Variants in VWA3B observed in about 807,000 individuals in gnomAD.
VWA3B encodes von Willebrand factor A domain-containing protein 3B.
In VWA3B, 138 loss-of-function variants were observed where a neutral mutation model predicts 158.3. The ratio of observed to expected loss-of-function variants is 0.87; its 90% CI spans 0.76 to 1.00. The LOEUF (loss-of-function observed/expected upper bound fraction) is 1.00. Ranked by LOEUF, VWA3B falls within the 50% of genes least tolerant of loss-of-function variation. The pLI, the probability that VWA3B is intolerant of heterozygous loss-of-function variation, is 0.00. For missense variants in VWA3B, 1,555 were observed against 1,565.1 expected (o/e 0.99, Z 0.11); for synonymous variants, 596 against 587.3 (o/e 1.01, Z -0.21).
At chr2:98,192,781 G>T in intron 10 of VWA3B, 117 bp from the exon 11 acceptor site, 1 of 1,388,942 alleles carries the variant, frequency 7.2e-7, no homozygotes, top group Non-Finnish European at 1.0e-6. Context: ...ACAGAAGATT[G>T]GGTATAAACA....
chr2:98,138,342 T>C (rs1317541660), intron 7 of VWA3B, among the ~76,000 whole-genome samples: 1 of 152,232 alleles, frequency 6.6e-6, no homozygotes, highest in Non-Finnish European at 1.5e-5. Flanking sequence ...ACAGTACCTT[T>C]TAATGGTAAT....
chr2:98,258,416 T>C (rs1039760191), intron 21 of VWA3B, among the ~76,000 whole-genome samples: 1 of 151,868 alleles, frequency 6.6e-6, no homozygotes, highest in African/African-American at 2.4e-5. Context: ...TTTGTAGGGA[T>C]TATATTTAAT....
At chr2:98,314,232 A>G (rs1256009400), downstream of VWA3B, among the ~76,000 whole-genome samples, 2 of 152,232 alleles carry the variant, frequency 1.3e-5, no homozygotes, top group African/African-American at 2.4e-5. Flanking sequence ...TACCAGGGTC[A>G]GGGCTGGTGA....
chr2:98,177,115 G>A (rs187368434), intron 8 of VWA3B, among the ~76,000 whole-genome samples: 2 of 152,284 alleles, frequency 1.3e-5, no homozygotes, highest in Admixed American at 6.5e-5. Context: ...AAGAGGAGTG[G>A]GCACTGATAC....
chr2:98,134,119 G>A, intron 7 of VWA3B, 180 bp downstream of exon 7: 2 of 614,716 alleles, frequency 3.3e-6, no homozygotes, highest in Non-Finnish European at 2.9e-6. Flanking sequence ...TAGCAACCAG[G>A]CATAAGTTTA....
rs746933114 is a variant in VWA3B, at chr2:98,311,801, ATCTC to A, written c.3522-12_3522-9del. ...CAGCCATCAAGGCAGGGTAACCCTG[ATCTC>A]TCTCTGTCTCTAGAGAGGATGTGGA... On this transcript the variant is annotated splice_polypyrimidine_tract_variant and intron_variant, in intron 26 of 27. Transcript: ENST00000477737. 1.3e-6 allele frequency: 2 copies of A among 1,572,704 alleles called. No homozygotes were observed. The highest frequency in any genetic ancestry group is 3.7e-5 in the Admixed American group (2 of 54,556).
chr2:98,185,956 A>T (rs1485186403), intron 9 of VWA3B, among the ~76,000 whole-genome samples: 6 of 152,060 alleles, frequency 3.9e-5, no homozygotes, highest in African/African-American at 1.2e-4. Context: ...GTCGAGTTGT[A>T]TACGTTTCCT....
At chr2:98,130,029 C>T (rs978222184) in intron 6 of VWA3B, among the ~76,000 whole-genome samples, 5 of 152,064 alleles carry the variant, frequency 3.3e-5, no homozygotes, top group Non-Finnish European at 7.4e-5. Flanking sequence ...GGATCCACAC[C>T]GGCACCGGCC....
At chr2:98,289,705 G>T (rs1480821980) in intron 22 of VWA3B, among the ~76,000 whole-genome samples, 1 of 152,178 alleles carries the variant, frequency 6.6e-6, no homozygotes, top group African/African-American at 2.4e-5. Flanking sequence ...TTTGCTAGTG[G>T]ACTTTTCTGT....
chr2:98,155,466 C>G (rs757580656), intron 7 of VWA3B, among the ~76,000 whole-genome samples: 1 of 152,202 alleles, frequency 6.6e-6, no homozygotes, highest in African/African-American at 2.4e-5. Flanking sequence ...CCTGACCTCA[C>G]CACTTATTAG....
chr2:98,256,777 C>T (rs1203124053), intron 21 of VWA3B, among the ~76,000 whole-genome samples: 1 of 152,126 alleles, frequency 6.6e-6, no homozygotes, highest in Non-Finnish European at 1.5e-5. Flanking sequence ...TGTTTTTCCA[C>T]AGTGGCTATG....
intron 19 of VWA3B, among the ~76,000 whole-genome samples, chr2:98,240,050 G>A (rs905320405): frequency 6.6e-6 from 1 of 152,024 alleles, no homozygotes; most frequent in African/African-American, 2.4e-5. Context: ...CAGTATATGA[G>A]ATTTAAGCCA....
rs753865994 is a variant in VWA3B at position 98,312,496 on chromosome 2, C to G, written c.*147C>G. ...TGCCCTGTCTGTAGCAAAGACTCCT[C>G]TCCCCTCCATCCCTGCTGCCTCCCC... is the stretch of plus-strand genomic sequence containing the variant. On this transcript the variant is annotated 3_prime_UTR_variant, in exon 28 of 28. Coordinates refer to ENST00000477737, the MANE Select transcript of VWA3B (RefSeq NM_144992.5). 12 of 980,144 alleles carry G rather than the reference C, an allele frequency of 1.2e-5. No homozygotes were observed. Among genetic ancestry groups the G allele is most frequent in the Non-Finnish European group, 1.7e-5 (12 of 690,530 alleles). 60.7% of individuals were successfully genotyped at this position (980,144 alleles called of 1,614,324 possible).
intron 26 of VWA3B, 31 bp from the exon 27 acceptor site, chr2:98,311,788 C>T (rs1389016631): frequency 6.5e-7 from 1 of 1,537,508 alleles, no homozygotes; most frequent in East Asian, 2.3e-5. Context: ...GCCATCAAGG[C>T]AGGGTAACCC....
intron 23 of VWA3B, chr2:98,291,005 A>AT: frequency 5.3e-6 from 1 of 187,888 alleles, no homozygotes; most frequent in South Asian, 1.3e-4. Flanking sequence ...AAATAAACAG[A>AT]TAAAATATGT....
intron 19 of VWA3B, among the ~76,000 whole-genome samples, chr2:98,244,540 A>T (rs914189669): frequency 2.0e-5 from 3 of 152,210 alleles, no homozygotes; most frequent in African/African-American, 7.2e-5. Flanking sequence ...AATTTGGTGG[A>T]ATCCAAACAA....
At chr2:98,267,645 C>A (rs1028341936) in intron 21 of VWA3B, among the ~76,000 whole-genome samples, 4 of 151,856 alleles carry the variant, frequency 2.6e-5, no homozygotes, top group Admixed American at 2.0e-4. Context: ...AAAGCAAGAG[C>A]AAACACATTC....
chr2:98,247,384 A>G (rs889085113), intron 19 of VWA3B, among the ~76,000 whole-genome samples: 1 of 152,140 alleles, frequency 6.6e-6, no homozygotes, highest in African/African-American at 2.4e-5. Flanking sequence ...CCTTTTAATT[A>G]GTCATTAAAA....
intron 8 of VWA3B, among the ~76,000 whole-genome samples, chr2:98,169,845 A>G (rs776080057): frequency 2.0e-5 from 3 of 151,858 alleles, no homozygotes; most frequent in Non-Finnish European, 2.9e-5. Flanking sequence ...CAGGCTGGGC[A>G]TGGTGGCTCA....
Sources: gnomAD v4.1 joint callset for allele counts (sites outside exome capture counted in the v4.1 genomes callset) on GRCh38, gnomAD v4.1.1 for gene constraint, MANE v1.5 for transcripts, NCBI Gene and HGNC (gene_info 2026-07-23, HGNC 2026-07-21) for gene names.